The following DOK2 variants were observed in gnomAD, a reference collection of about 807,000 sequenced individuals.
DOK2 encodes the protein docking protein 2, 56kD.
Under a neutral mutation model 26.0 loss-of-function variants are expected in DOK2, and 28 were observed. The observed-to-expected ratio is 1.08, with a 90% CI of 0.80 to 1.48. The LOEUF is 1.48. Among genes scored for constraint, DOK2 ranks in the 40% most tolerant of loss-of-function variants. The probability of loss-of-function intolerance (pLI) is 0.00; values close to 1 mark genes in which losing one functional copy is unlikely to be tolerated. For missense variants in DOK2, 682 were observed against 558.2 expected, an observed-to-expected ratio of 1.22 and a Z score of -2.23; for synonymous variants, 282 against 236.9, an observed-to-expected ratio of 1.19 and a Z score of -1.75.
chr8:21,909,978 G>A lies in DOK2; in HGVS notation c.619-47C>T, dbSNP rs376964688. 2.4e-5 allele frequency: 37 copies of A among 1,522,580 alleles called. No individual in the cohort carries two copies. In the African/African-American group the frequency reaches 4.3e-4, roughly 18 times the overall value. 94.3% of individuals were successfully genotyped at this position (1,522,580 alleles called of 1,614,324 possible). ...TTATTGGCCAGGCCACAGGGCAGGG[G>A]TGCATTTTTTTTTTTTTTTTTGGAG... On this transcript the variant is annotated intron_variant, in intron 4 of 4. Coordinates refer to ENST00000276420, the MANE Select transcript of DOK2 (RefSeq NM_003974.4).
intron 2 of DOK2, 105 bp from the exon 3 acceptor site, chr8:21,912,093 C>A (rs916220921): frequency 6.8e-7 from 1 of 1,477,102 alleles, no homozygotes; most frequent in Non-Finnish European, 9.0e-7. Flanking sequence ...TGTCTGCACA[C>A]TGGGTTCGGG....
intron 4 of DOK2, among the ~76,000 whole-genome samples, 198 bp from the exon 5 acceptor site, chr8:21,910,129 A>C (rs1334249970): frequency 3.3e-5 from 5 of 151,968 alleles, no homozygotes; most frequent in Non-Finnish European, 5.9e-5. Context: ...CTACAGGCGC[A>C]TGCCACCACG....
At chr8:21,910,928 G>A in intron 3 of DOK2, 71 bp from the exon 4 acceptor site, 1 of 1,467,672 alleles carries the variant, frequency 6.8e-7, no homozygotes. Flanking sequence ...CCACTGCCCA[G>A]TTCTAAATGA....
At position 21,909,251 on chromosome 8, in the gene DOK2, G is replaced by C; in HGVS notation, c.*60C>G. ...GCAGAGGAGGTTCTTCTGATGCAGT[G>C]GCCAGGAGGAGTCACCAGCAGAAGC... is the stretch of plus-strand genomic sequence containing the variant. On this transcript the variant is annotated 3_prime_UTR_variant, in exon 5 of 5. Transcript: ENST00000276420. 1 of 1,507,698 alleles carries C rather than the reference G, an allele frequency of 6.6e-7. No individual in the cohort carries two copies. 93.4% of individuals were successfully genotyped at this position (1,507,698 alleles called of 1,614,324 possible). A position where few individuals can be genotyped will look rare whatever the true frequency, so the allele number is the denominator to read the frequency against.
intron 4 of DOK2, 91 bp from the exon 5 acceptor site, chr8:21,910,022 T>A: frequency 7.1e-7 from 1 of 1,411,888 alleles, no homozygotes; most frequent in East Asian, 2.4e-5. Flanking sequence ...TCACTGTGTC[T>A]CCAGGCTGGA....
chr8:21,912,520 A>C lies in DOK2; in HGVS notation c.64-10T>G. On this transcript the variant is annotated splice_polypyrimidine_tract_variant and intron_variant, in intron 1 of 4. Transcript: ENST00000276420. ...CGAAGCGGCGCCATTTCTGTGCCAGAGGCGTGGGAGGCGGGGGCGGGAGGG... is the reference window on the plus strand; with the variant it reads ...CGAAGCGGCGCCATTTCTGTGCCAGCGGCGTGGGAGGCGGGGGCGGGAGGG... The C allele has an allele frequency of 1.3e-6, 2 of 1,487,882 alleles. No individual in the cohort carries two copies. Among genetic ancestry groups the C allele is most frequent in the Non-Finnish European group, 1.8e-6 (2 of 1,121,292 alleles). 92.2% of individuals were successfully genotyped at this position (1,487,882 alleles called of 1,614,324 possible).
rs953387403 is a variant in DOK2 at position 21,910,793 on chromosome 8, C to T, written c.498G>A (p.Leu166=). Residue 166 remains leucine, a synonymous_variant, in exon 4 of 5, where the codon CTG becomes CTA. Coordinates refer to ENST00000276420, the MANE Select transcript of DOK2 (RefSeq NM_003974.4). ...CAGCCCGGAGGGTATAGGACCCCCGCAGGTGGCACCTCTCACTGGCTTCTG... is the reference window on the plus strand; with the variant it reads ...CAGCCCGGAGGGTATAGGACCCCCGTAGGTGGCACCTCTCACTGGCTTCTG... ...RPTEASERCH[L]RGSYTLRAGE... is the part of the protein sequence containing the mutation. The T allele has an allele frequency of 1.9e-6, 3 of 1,613,772 alleles. No individual in the cohort carries two copies. Among genetic ancestry groups the T allele is most frequent in the Non-Finnish European group, 2.5e-6 (3 of 1,179,936 alleles).
chr8:21,909,767 G>C lies in DOK2; in HGVS notation c.783C>G (p.Pro261=), dbSNP rs749307499. 1 of 1,613,940 alleles carries C rather than the reference G, an allele frequency of 6.2e-7. No individual in the cohort carries two copies. The highest frequency in any genetic ancestry group is 2.2e-5 in the East Asian group (1 of 44,872). The change falls in exon 5 of 5, where the codon CCC becomes CCG. Residue 261 remains proline, a synonymous_variant. Transcript: ENST00000276420. ...GGCTATCAGGCCGGGGCAGCGACGCGGGGATTGTGGCTGGCTGCGGTTGGG... is the reference window on the plus strand; with the variant it reads ...GGCTATCAGGCCGGGGCAGCGACGCCGGGATTGTGGCTGGCTGCGGTTGGG... ...ATPQPQPATI[P]ASLPRPDSPY...
rs1226497617 is a variant in DOK2, at chr8:21,913,548, C to T, written c.54G>A (p.Thr18=). ...CCAGCCTCACTCCTACCTTTCCAAA[C>T]GTCTGCTGCTGCTGAAGATACAAGA... ...QGFLYLQQQQ[T]FGKKWRRFGA... is the part of the protein sequence containing the mutation. The change falls in exon 1 of 5, where the codon ACG becomes ACA. Residue 18 remains threonine (T), a synonymous_variant. Transcript: ENST00000276420. 9 of 1,613,968 alleles carry T rather than the reference C, an allele frequency of 5.6e-6. No homozygotes were observed. In the African/African-American group the frequency reaches 6.7e-5, roughly 12 times the overall value.
rs759659439 is a variant in DOK2 at position 21,910,771 on chromosome 8, C to A, written c.520G>T (p.Ala174Ser). Residue 174 changes from alanine to serine, a missense_variant, in exon 4 of 5, where the codon GCT (alanine) becomes TCT (serine). By Grantham distance (99) the Ala-to-Ser change is moderately conservative. Coordinates refer to ENST00000276420, the MANE Select transcript of DOK2 (RefSeq NM_003974.4). Reference sequence around the variant, plus strand: ...CACAGCTCCAGGGCACTCTCCCCAGCCCGGAGGGTATAGGACCCCCGCAGG... The same window carrying A: ...CACAGCTCCAGGGCACTCTCCCCAGACCGGAGGGTATAGGACCCCCGCAGG... ...CHLRGSYTLR[A>S]GESALELWGG... 6 of 1,613,858 alleles carry A rather than the reference C, an allele frequency of 3.7e-6. No homozygotes were observed. The Admixed American group carries it at 5.0e-5, about 13-fold the overall frequency.
At position 21,912,666 on chromosome 8, in the gene DOK2, C is replaced by A. The variant is rs149890113; in HGVS notation, c.64-156G>T. 3,689 of 711,062 alleles carry A rather than the reference C, an allele frequency of 5.2e-3. 19 individuals carry two copies. Among genetic ancestry groups the A allele is most frequent in the South Asian group, 8.0e-3 (413 of 51,588 alleles). The allele number at this position is 711,062 out of a possible 1,614,324, so 44.0% of individuals were successfully genotyped here. ...GAAGATCACATGAGACCCAGGGAGGCAGAGAAGAGGACAGTGACTGCAGGA... is the reference window on the plus strand; with the variant it reads ...GAAGATCACATGAGACCCAGGGAGGAAGAGAAGAGGACAGTGACTGCAGGA... On this transcript the variant is annotated intron_variant, in intron 1 of 4. Transcript: ENST00000276420.
rs556222778 is a variant in DOK2 at position 21,912,193 on chromosome 8, C to T, written c.345+36G>A. 1.3e-5 allele frequency: 20 copies of T among 1,513,568 alleles called. No homozygotes were observed. In the East Asian group the frequency reaches 3.4e-4, roughly 26 times the overall value. The allele number at this position is 1,513,568 out of a possible 1,614,324, so 93.8% of individuals were successfully genotyped here. ...AAGTATCTAACACCCTCGGCCTGCA[C>T]GCCCCCTTGCCCTTTCCGCACCCCG... On this transcript the variant is annotated intron_variant, in intron 2 of 4. Coordinates refer to ENST00000276420, the MANE Select transcript of DOK2 (RefSeq NM_003974.4).
chr8:21,911,757 A>G lies in DOK2; in HGVS notation c.433+144T>C, dbSNP rs529836261. The G allele has an allele frequency of 3.3e-5, 28 of 847,462 alleles. No homozygotes were observed. In the South Asian group the frequency reaches 5.9e-4, roughly 18 times the overall value. 52.5% of individuals were successfully genotyped at this position (847,462 alleles called of 1,614,324 possible). A position where few individuals can be genotyped will look rare whatever the true frequency, so the allele number is the denominator to read the frequency against. Reference sequence around the variant, plus strand: ...GGCTGCACCCGGAAGCGAGAAGGAGAGGCTGATAACGGGGCTGGCCCAGGC... The same window carrying G: ...GGCTGCACCCGGAAGCGAGAAGGAGGGGCTGATAACGGGGCTGGCCCAGGC... On this transcript the variant is annotated intron_variant, in intron 3 of 4. Coordinates refer to ENST00000276420, the MANE Select transcript of DOK2 (RefSeq NM_003974.4).
At position 21,910,851 on chromosome 8, in the gene DOK2, G is replaced by T; in HGVS notation, c.440C>A (p.Pro147His). 1 of 1,602,112 alleles carries T rather than the reference G, an allele frequency of 6.2e-7. No individual in the cohort carries two copies. The highest frequency in any genetic ancestry group is 8.5e-7 in the Non-Finnish European group (1 of 1,173,668). The change falls in exon 4 of 5, where the codon CCC becomes CAC. Residue 147 changes from proline (P) to histidine (H), a missense_variant. Physicochemically the swap from Pro to His is moderately conservative, Grantham distance 77. Coordinates refer to ENST00000276420, the MANE Select transcript of DOK2 (RefSeq NM_003974.4). ...ELYSSAVTVGPHKEFAVTMRP... is the reference protein window; with the variant it reads ...ELYSSAVTVGHHKEFAVTMRP... ...CATGGTCACAGCAAATTCCTTGTGG[G>T]GGCCGACTGGGGAGAAGAAGAGAGA...
At position 21,909,164 on chromosome 8, in the gene DOK2, C is replaced by T; in HGVS notation, c.*147G>A. 1 of 972,150 alleles carries T rather than the reference C, an allele frequency of 1.0e-6. No individual in the cohort carries two copies. The highest frequency in any genetic ancestry group is 1.5e-6 in the Non-Finnish European group (1 of 655,624). 60.2% of individuals were successfully genotyped at this position (972,150 alleles called of 1,614,324 possible). On this transcript the variant is annotated 3_prime_UTR_variant, in exon 5 of 5. Coordinates refer to ENST00000276420, the MANE Select transcript of DOK2 (RefSeq NM_003974.4). Reference sequence around the variant, plus strand: ...TTGGGATGGTGACTCACCCAGCAGGCCCTGGGAGAGGCAATTTATCAGCCC... The same window carrying T: ...TTGGGATGGTGACTCACCCAGCAGGTCCTGGGAGAGGCAATTTATCAGCCC...
rs768030217 is a variant in DOK2 at position 21,909,459 on chromosome 8, C to T, written c.1091G>A (p.Arg364Gln). ...LSLYDSPQEP[R>Q]GEAWRRQATA... ...CGCCTGCCTCCTCCATGCCTCACCC[C>T]GGGGCTCCTGCGGGCTGTCATAGAG... Residue 364 changes from arginine to glutamine, a missense_variant, in exon 5 of 5, where the codon CGG becomes CAG. Transcript: ENST00000276420. The T allele has an allele frequency of 8.7e-5, 140 of 1,613,442 alleles. No individual in the cohort carries two copies. The highest frequency in any genetic ancestry group is 1.1e-4 in the Non-Finnish European group (133 of 1,179,630).
Position 21,912,434 on chromosome 8 carries a change from G to C in DOK2, c.140C>G (p.Pro47Arg), listed in dbSNP as rs903193113. ...ALARLELQEG[P>R]EKPRRCEAAR... The stretch of plus-strand genomic sequence containing the variant: ...AGCCTCACACCGACGAGGCTTCTCC[G>C]GGCCCTCCTGCAGCTCCAGCCGGGC... The change falls in exon 2 of 5, where the codon CCG (proline) becomes CGG (arginine). Residue 47 changes from proline to arginine, a missense_variant. Transcript: ENST00000276420. The C allele has an allele frequency of 1.3e-6, 2 of 1,573,628 alleles. No individual in the cohort carries two copies. Among genetic ancestry groups the C allele is most frequent in the Non-Finnish European group, 8.6e-7 (1 of 1,161,584 alleles).
intron 3 of DOK2, 43 bp downstream of exon 3, chr8:21,911,858 G>C (rs1809856786): frequency 1.3e-6 from 2 of 1,535,904 alleles, no homozygotes; most frequent in Non-Finnish European, 1.8e-6. Context: ...CTCACCCTGG[G>C]GAGAGCCCCC....
chr8:21,910,934 A>C (rs1393434263), intron 3 of DOK2, 77 bp from the exon 4 acceptor site: 2 of 1,452,868 alleles, frequency 1.4e-6, no homozygotes, highest in Admixed American at 5.0e-5. Context: ...CCCAGTTCTA[A>C]ATGAGCGTAC....
Sources: allele counts gnomAD v4.1 joint callset (sites outside exome capture counted in the v4.1 genomes callset), GRCh38; gene constraint gnomAD v4.1.1; transcripts MANE v1.5; gene names NCBI Gene and HGNC (gene_info 2026-07-23, HGNC 2026-07-21).